Variants in ADAM22 observed in about 807,000 individuals in gnomAD.
The protein encoded by ADAM22 is disintegrin and metalloproteinase domain-containing protein 22.
A neutral mutation model predicts 144.6 loss-of-function variants in ADAM22; 65 were observed. The observed-to-expected ratio is 0.45, with a 90% CI of 0.37 to 0.55. The LOEUF (loss-of-function observed/expected upper bound fraction) is 0.55. Among genes scored for constraint, ADAM22 ranks in the 20% least tolerant of loss-of-function variants. The pLI, the probability that ADAM22 is intolerant of heterozygous loss-of-function variation, is 0.00. For missense variants in ADAM22, 974 were observed against 1,184.9 expected (o/e 0.82, Z 2.61); for synonymous variants, 391 against 412.6 (o/e 0.95, Z 0.63).
At chr7:88,123,955 G>A (rs1224093475) in intron 7 of ADAM22, among the ~76,000 whole-genome samples, 2 of 150,498 alleles carry the variant, frequency 1.3e-5, no homozygotes, top group Non-Finnish European at 3.0e-5. Flanking sequence ...TAATTTAATA[G>A]AATTGCAATA....
At chr7:88,028,992 A>AT (rs1799641968) in intron 3 of ADAM22, among the ~76,000 whole-genome samples, 1 of 151,760 alleles carries the variant, frequency 6.6e-6, no homozygotes, top group South Asian at 2.1e-4. Flanking sequence ...TTTTAATTTT[A>AT]TTTTTTGTGG....
chr7:88,181,034 G>C (rs1445403779), intron 27 of ADAM22, among the ~76,000 whole-genome samples: 1 of 152,044 alleles, frequency 6.6e-6, no homozygotes, highest in Non-Finnish European at 1.5e-5. Context: ...TCTAAATAAT[G>C]CTTTGATAAA....
chr7:88,032,030 C>G (rs1800393778), intron 3 of ADAM22, among the ~76,000 whole-genome samples: 1 of 152,228 alleles, frequency 6.6e-6, no homozygotes, highest in Non-Finnish European at 1.5e-5. Context: ...AGGCAGAAGT[C>G]TACTGCAGGG....
chr7:88,087,194 G>T (rs185495671), intron 4 of ADAM22, among the ~76,000 whole-genome samples: 22 of 152,218 alleles, frequency 1.4e-4, no homozygotes, highest in African/African-American at 4.6e-4. Context: ...TCTATAATAT[G>T]TAAAATAAGA....
intron 4 of ADAM22, among the ~76,000 whole-genome samples, chr7:88,097,300 C>T (rs1420769048): frequency 1.3e-5 from 2 of 151,546 alleles, no homozygotes; most frequent in Non-Finnish European, 1.5e-5. Context: ...TACAGGTGTG[C>T]GCCATTATGC....
chr7:88,065,941 T>C (rs957266427), intron 3 of ADAM22, among the ~76,000 whole-genome samples: 12 of 152,194 alleles, frequency 7.9e-5, no homozygotes, highest in African/African-American at 2.9e-4. Flanking sequence ...TTTTCTGATA[T>C]TATCTTTTTA....
chr7:87,996,521 T>C (rs1791268212), intron 3 of ADAM22, among the ~76,000 whole-genome samples: 1 of 152,196 alleles, frequency 6.6e-6, no homozygotes, highest in Admixed American at 6.5e-5. Context: ...GCTCCTCATA[T>C]AATCACATTG....
In ADAM22 at chr7:87,982,697, ATAAT is replaced by A. The variant is rs1562916806; in HGVS notation, c.323+4287_323+4290del. Among the ~76,000 whole-genome samples, 577 of 78,844 alleles carry A rather than the reference ATAAT, an allele frequency of 7.3e-3. 24 individuals are homozygous for A. Among genetic ancestry groups the A allele is most frequent in the African/African-American group, 0.028 (483 of 17,134 alleles). 51.7% of individuals were successfully genotyped at this position (78,844 alleles called of 152,430 possible). ...TATATATATATATATATATATATAT[ATAAT>A]TTTTTTTTTTGAGATACAGTTTTGC... On this transcript the variant is annotated intron_variant, in intron 3 of 31. Transcript: ENST00000413139.
intron 4 of ADAM22, among the ~76,000 whole-genome samples, chr7:88,096,257 C>T (rs1452579480): frequency 6.6e-6 from 1 of 151,484 alleles, no homozygotes; most frequent in Non-Finnish European, 1.5e-5. Flanking sequence ...CCCAAAGAAC[C>T]AGCTTTACTT....
At chr7:88,190,892 C>T (rs1472387487) in intron 30 of ADAM22, among the ~76,000 whole-genome samples, 1 of 152,002 alleles carries the variant, frequency 6.6e-6, no homozygotes, top group Non-Finnish European at 1.5e-5. Context: ...CCTGCTAAAA[C>T]CTTCCTGCTG....
At chr7:87,980,430 A>G (rs898910043) in intron 3 of ADAM22, among the ~76,000 whole-genome samples, 2 of 151,866 alleles carry the variant, frequency 1.3e-5, no homozygotes, top group Non-Finnish European at 2.9e-5. Flanking sequence ...CAGTTTGTGT[A>G]TTGTCTTAAG....
intron 3 of ADAM22, among the ~76,000 whole-genome samples, chr7:87,981,097 C>T (rs771445074): frequency 4.3e-4 from 66 of 152,036 alleles, no homozygotes; most frequent in Non-Finnish European, 8.2e-4. Flanking sequence ...TTAAACTGCT[C>T]CAAACAATGC....
At chr7:88,133,458 G>C (rs1424365675) in intron 12 of ADAM22, among the ~76,000 whole-genome samples, 1 of 151,662 alleles carries the variant, frequency 6.6e-6, no homozygotes, top group African/African-American at 2.4e-5. Context: ...GACAGACTGG[G>C]GAAATAATGG....
chr7:88,019,155 G>A (rs1245939834), intron 3 of ADAM22, among the ~76,000 whole-genome samples: 1 of 152,008 alleles, frequency 6.6e-6, no homozygotes, highest in Admixed American at 6.6e-5. Flanking sequence ...GACCCAGAAA[G>A]AATATCCATT....
chr7:88,194,475 G>A (rs1001042624), intron 31 of ADAM22, among the ~76,000 whole-genome samples: 3 of 152,132 alleles, frequency 2.0e-5, no homozygotes, highest in Non-Finnish European at 2.9e-5. Context: ...CTGTCTCTGG[G>A]CTGTCTCTGT....
At chr7:88,076,307 G>A (rs1435157132) in intron 4 of ADAM22, among the ~76,000 whole-genome samples, 1 of 152,176 alleles carries the variant, frequency 6.6e-6, no homozygotes, top group Admixed American at 6.5e-5. Context: ...CAAAGTGCTG[G>A]GATTACAGGC....
Position 88,125,570 on chromosome 7 carries a change from AAATTT to A in ADAM22, c.608-13_608-9del, listed in dbSNP as rs1274171782. The A allele has an allele frequency of 6.4e-7, 1 of 1,562,282 alleles. No individual in the cohort carries two copies. The highest frequency in any genetic ancestry group is 2.3e-5 in the East Asian group (1 of 44,270). Reference sequence around the variant, plus strand: ...TCTGACAAATGCACTAAGTTAAATTAAATTTAATTTCCTTTTAGAATTTCAGCAAG... The same window carrying A: ...TCTGACAAATGCACTAAGTTAAATTAAATTTCCTTTTAGAATTTCAGCAAG... On this transcript the variant is annotated splice_polypyrimidine_tract_variant and intron_variant, in intron 7 of 31. Coordinates refer to ENST00000413139, the MANE Select transcript of ADAM22 (RefSeq NM_001324418.2).
chr7:88,087,480 A>T (rs1818734445), intron 4 of ADAM22, among the ~76,000 whole-genome samples: 1 of 152,200 alleles, frequency 6.6e-6, no homozygotes, highest in African/African-American at 2.4e-5. Context: ...AAATAACCAT[A>T]GTATGAATTT....
chr7:88,093,888 A>T (rs1820581727), intron 4 of ADAM22, among the ~76,000 whole-genome samples: 1 of 152,216 alleles, frequency 6.6e-6, no homozygotes, highest in Admixed American at 6.5e-5. Flanking sequence ...TATGAGGTAG[A>T]AAAAGAGCAG....
Sources: gnomAD v4.1 joint callset for allele counts (sites outside exome capture counted in the v4.1 genomes callset) on GRCh38, gnomAD v4.1.1 for gene constraint, MANE v1.5 for transcripts, NCBI Gene and HGNC (gene_info 2026-07-23, HGNC 2026-07-21) for gene names.